Variants in KAT6B observed in about 807,000 individuals in gnomAD.
The protein encoded by KAT6B is lysine acetyltransferase 6B, also known as histone acetyltransferase KAT6B.
Under a neutral mutation model 187.5 loss-of-function variants are expected in KAT6B, and 10 were observed. That is an observed-to-expected ratio of 0.05 (90% confidence interval 0.03 to 0.09). KAT6B has a LOEUF of 0.09. Ranked by LOEUF, KAT6B falls within the 10% of genes least tolerant of loss-of-function variation. The pLI is 1.00. For missense variants in KAT6B, 1,952 were observed against 2,558.9 expected (o/e 0.76, Z 5.12); for synonymous variants, 861 against 926.8 (o/e 0.93, Z 1.29).
chr10:74,922,399 C>T (rs150599179), intron 3 of KAT6B, among the ~76,000 whole-genome samples: 267 of 152,128 alleles, frequency 1.8e-3, no homozygotes, highest in African/African-American at 6.2e-3. Flanking sequence ...CCCAACCAAT[C>T]CTCTCCTAAA....
At chr10:74,879,820 C>A (rs1306921077) in intron 3 of KAT6B, among the ~76,000 whole-genome samples, 1 of 152,116 alleles carries the variant, frequency 6.6e-6, no homozygotes, top group Non-Finnish European at 1.5e-5. Flanking sequence ...TCTGGCCAGG[C>A]ATGGTGGCTC....
intron 13 of KAT6B, among the ~76,000 whole-genome samples, chr10:75,016,547 C>A (rs2134111399): frequency 6.6e-6 from 1 of 152,268 alleles, no homozygotes; most frequent in East Asian, 1.9e-4. Context: ...TATGGGCTAC[C>A]CCGTTTTCAA....
At chr10:75,019,281 A>G (rs1004333472) in intron 13 of KAT6B, among the ~76,000 whole-genome samples, 6 of 152,230 alleles carry the variant, frequency 3.9e-5, no homozygotes, top group Admixed American at 3.3e-4. Flanking sequence ...ATTTACGCCT[A>G]TTCTTCATAA....
At chr10:74,826,199 G>A (rs907761108), upstream of KAT6B, among the ~76,000 whole-genome samples, 7 of 152,108 alleles carry the variant, frequency 4.6e-5, no homozygotes, top group South Asian at 8.3e-4. Flanking sequence ...CAGCCAATAA[G>A]GCTACGCTCC....
At chr10:74,966,128 C>T (rs1016334434) in intron 4 of KAT6B, among the ~76,000 whole-genome samples, 1 of 152,172 alleles carries the variant, frequency 6.6e-6, no homozygotes, top group African/African-American at 2.4e-5. Context: ...TTCTACAGGC[C>T]ACCCACATTC....
chr10:75,001,716 T>C (rs747893049), intron 13 of KAT6B, among the ~76,000 whole-genome samples: 3 of 152,214 alleles, frequency 2.0e-5, no homozygotes, highest in Non-Finnish European at 4.4e-5. Flanking sequence ...AAGTAGAGAC[T>C]AAGTGGTTTC....
intron 9 of KAT6B, among the ~76,000 whole-genome samples, 182 bp downstream of exon 9, chr10:74,977,619 C>T (rs1842248821): frequency 6.6e-6 from 1 of 152,112 alleles, no homozygotes; most frequent in Admixed American, 6.6e-5. Context: ...AGAATTGTCG[C>T]CACTCTTAAA....
In KAT6B at chr10:74,975,796, C is replaced by T. The variant is rs771200634; in HGVS notation, c.1459C>T (p.Leu487=). The T allele has an allele frequency of 9.3e-6, 15 of 1,614,148 alleles. No individual in the cohort carries two copies. The highest frequency in any genetic ancestry group is 1.3e-5 in the African/African-American group (1 of 75,006). Residue 487 remains leucine (L), a synonymous_variant, in exon 8 of 18, where the codon CTA becomes TTA. Coordinates refer to ENST00000287239, the MANE Select transcript of KAT6B (RefSeq NM_012330.4). Reference sequence around the variant, plus strand: ...GTTGGCTACAGGTACCACACAAAAGCTAAAACCTCCACCTTCTTCACTTCC... The same window carrying T: ...GTTGGCTACAGGTACCACACAAAAGTTAAAACCTCCACCTTCTTCACTTCC... ...HVLATGTTQK[L]KPPPSSLPPP...
intron 3 of KAT6B, among the ~76,000 whole-genome samples, chr10:74,933,725 G>A (rs554136692): frequency 1.3e-5 from 2 of 152,132 alleles, no homozygotes; most frequent in Non-Finnish European, 2.9e-5. Flanking sequence ...ATACATCTTC[G>A]CTGAGGATAA....
intron 4 of KAT6B, among the ~76,000 whole-genome samples, chr10:74,966,090 T>C (rs1238945038): frequency 6.6e-6 from 1 of 152,172 alleles, no homozygotes; most frequent in Non-Finnish European, 1.5e-5. Flanking sequence ...CCTGGTTTTC[T>C]TGCTGTCAGG....
At chr10:74,910,408 G>C (rs1160520596) in intron 3 of KAT6B, among the ~76,000 whole-genome samples, 7 of 152,168 alleles carry the variant, frequency 4.6e-5, no homozygotes, top group Admixed American at 3.9e-4. Context: ...TTCCTATGTT[G>C]AAGTTTTCAA....
chr10:74,985,346 A>G lies in KAT6B; in HGVS notation c.2535+105A>G, dbSNP rs918452818. On this transcript the variant is annotated intron_variant, in intron 12 of 17. Coordinates refer to ENST00000287239, the MANE Select transcript of KAT6B (RefSeq NM_012330.4). ...TTCATTACTATAATTTGAATAAGTGACATGTGTTTTTGAAAAGCTCAGGTT... is the reference window on the plus strand; with the variant it reads ...TTCATTACTATAATTTGAATAAGTGGCATGTGTTTTTGAAAAGCTCAGGTT... The G allele has an allele frequency of 7.8e-6, 9 of 1,159,172 alleles. No individual in the cohort carries two copies. In the African/African-American group the frequency reaches 1.2e-4, roughly 16 times the overall value. The allele number at this position is 1,159,172 out of a possible 1,614,324, so 71.8% of individuals were successfully genotyped here.
chr10:74,906,615 C>G (rs929550938), intron 3 of KAT6B, among the ~76,000 whole-genome samples: 5 of 152,106 alleles, frequency 3.3e-5, no homozygotes, highest in Non-Finnish European at 5.9e-5. Context: ...ATCATTTCCA[C>G]CCTTTTATCT....
At chr10:74,923,933 A>G (rs1311934795) in intron 3 of KAT6B, among the ~76,000 whole-genome samples, 1 of 152,188 alleles carries the variant, frequency 6.6e-6, no homozygotes, top group Non-Finnish European at 1.5e-5. Flanking sequence ...AACAAGCAAG[A>G]GATATGATGG....
At chr10:74,988,908 T>A in intron 12 of KAT6B, 111 bp from the exon 13 acceptor site, 5 of 777,378 alleles carry the variant, frequency 6.4e-6, no homozygotes, top group East Asian at 2.5e-5. Context: ...GATCCTGACC[T>A]AACCCATTGG....
chr10:74,972,554 C>G lies in KAT6B; in HGVS notation c.976C>G (p.Leu326Val). The G allele has an allele frequency of 6.2e-7, 1 of 1,610,428 alleles. No individual in the cohort carries two copies. The highest frequency in any genetic ancestry group is 1.3e-5 in the African/African-American group (1 of 74,902). The change falls in exon 7 of 18, where the codon CTA (leucine) becomes GTA (valine). Residue 326 changes from leucine to valine, a missense_variant. Physicochemically the swap from Leu to Val is conservative, Grantham distance 32. Around this residue, in one of 9 missense-constraint regions of KAT6B, gnomAD observed 417 missense variants for 508.9 expected, o/e 0.82. Transcript: ENST00000287239. ...VCRPKKKGRK[L>V]LHEKAAQIKR... ...CAGACCAAAGAAAAAGGGAAGAAAA[C>G]TACTTCATGAGAAAGCTGCACAAAT...
intron 3 of KAT6B, among the ~76,000 whole-genome samples, chr10:74,881,549 T>C (rs1190273127): frequency 1.3e-5 from 2 of 152,230 alleles, no homozygotes; most frequent in Non-Finnish European, 2.9e-5. Flanking sequence ...CATTCATTGA[T>C]ACTTTTTGAG....
intron 3 of KAT6B, among the ~76,000 whole-genome samples, chr10:74,863,243 G>A (rs1843316461): frequency 6.6e-6 from 1 of 152,106 alleles, no homozygotes; most frequent in African/African-American, 2.4e-5. Flanking sequence ...ATAAAAAGAA[G>A]ACTGTGTGAG....
chr10:75,018,061 G>A (rs1261064830), intron 13 of KAT6B, among the ~76,000 whole-genome samples: 1 of 152,182 alleles, frequency 6.6e-6, no homozygotes, highest in East Asian at 1.9e-4. Flanking sequence ...TAGTGGCCTT[G>A]TGCAGTCTGC....
Sources: allele counts gnomAD v4.1 joint callset (sites outside exome capture counted in the v4.1 genomes callset), GRCh38; gene constraint gnomAD v4.1.1; regional missense constraint gnomAD v4.1.1; transcripts MANE v1.5; gene names NCBI Gene and HGNC (gene_info 2026-07-23, HGNC 2026-07-21).